COMMD7: variants seen among roughly 807,000 people sequenced by gnomAD.
COMMD7 encodes the protein COMM domain-containing protein 7.
Under a neutral mutation model 34.8 loss-of-function variants are expected in COMMD7, and 28 were observed. The observed-to-expected ratio is 0.80, with a 90% CI of 0.60 to 1.10. COMMD7 has a LOEUF of 1.10. Ranked by LOEUF, COMMD7 falls within the 50% of genes least tolerant of loss-of-function variation. The pLI is 0.00. For missense variants in COMMD7, 211 were observed against 241.6 expected (o/e 0.87, Z 0.84); for synonymous variants, 80 against 86.4 (o/e 0.93, Z 0.41).
chr20:32,730,814 T>C (rs372552756), intron 1 of COMMD7, among the ~76,000 whole-genome samples: 13 of 152,206 alleles, frequency 8.5e-5, no homozygotes, highest in Admixed American at 3.3e-4. Flanking sequence ...AAACAAATGG[T>C]AGCTACAGTT....
chr20:32,702,712 C>T lies in COMMD7; in HGVS notation c.*670G>A, dbSNP rs1453425259. ...TGGATCCAGACCTTTTCTTCAGAAC[C>T]TTTTTATTCATCATCTAACCAACAG... On this transcript the variant is annotated 3_prime_UTR_variant, in exon 9 of 9. Coordinates refer to ENST00000278980, the MANE Select transcript of COMMD7 (RefSeq NM_053041.3). The T allele has an allele frequency of 6.6e-6, 1 of 152,218 alleles. No individual in the cohort carries two copies. Among genetic ancestry groups the T allele is most frequent in the Non-Finnish European group, 1.5e-5 (1 of 68,058 alleles). 9.4% of individuals were successfully genotyped at this position (152,218 alleles called of 1,614,324 possible).
chr20:32,719,824 C>A (rs1018112722), intron 3 of COMMD7, among the ~76,000 whole-genome samples: 1 of 152,040 alleles, frequency 6.6e-6, no homozygotes, highest in Admixed American at 6.6e-5. Flanking sequence ...CAGCCTGGCA[C>A]AGTAACATGC....
intron 1 of COMMD7, among the ~76,000 whole-genome samples, chr20:32,739,196 G>A (rs1299672440): frequency 6.6e-6 from 1 of 152,174 alleles, no homozygotes; most frequent in Non-Finnish European, 1.5e-5. Context: ...GCTGGGTGCA[G>A]TGGCTCATGC....
At chr20:32,726,981 A>G (rs947564538) in intron 3 of COMMD7, among the ~76,000 whole-genome samples, 5 of 152,150 alleles carry the variant, frequency 3.3e-5, no homozygotes, top group African/African-American at 1.2e-4. Flanking sequence ...CTGTAATCCT[A>G]GCACTTTGGG....
intron 1 of COMMD7, among the ~76,000 whole-genome samples, chr20:32,734,201 G>T (rs1167323656): frequency 7.3e-6 from 1 of 136,152 alleles, no homozygotes; most frequent in Non-Finnish European, 1.6e-5. Context: ...AAAAAAAAGT[G>T]CCGTGCCTCA....
chr20:32,717,929 GA>G (rs1012746265), intron 3 of COMMD7, among the ~76,000 whole-genome samples: 35 of 141,606 alleles, frequency 2.5e-4, no homozygotes, highest in South Asian at 2.4e-3. Context: ...GACCAAAAAA[GA>G]AAAAAAAAAA....
chr20:32,726,634 T>C (rs918246900), intron 3 of COMMD7, among the ~76,000 whole-genome samples: 2 of 151,928 alleles, frequency 1.3e-5, no homozygotes, highest in Non-Finnish European at 2.9e-5. Flanking sequence ...ACCCAGGAAG[T>C]GGAGGTTGCG....
chr20:32,721,187 G>A (rs1600985666), intron 3 of COMMD7, among the ~76,000 whole-genome samples: 1 of 152,152 alleles, frequency 6.6e-6, no homozygotes, highest in African/African-American at 2.4e-5. Context: ...GGATACAGTG[G>A]GGGGCCAAGT....
rs189280201 is a variant in COMMD7 at position 32,728,218 on chromosome 20, T to C, written c.85-76A>G. On this transcript the variant is annotated intron_variant, in intron 1 of 8. Transcript: ENST00000278980. ...GCATGCCCCACCCCAGGCAACTGCA[T>C]AGCCTTGAGAGGGAAGAACAGTAAC... 9 of 1,385,664 alleles carry C rather than the reference T, an allele frequency of 6.5e-6. No individual in the cohort carries two copies. In the East Asian group the frequency reaches 1.9e-4, roughly 29 times the overall value. The allele number at this position is 1,385,664 out of a possible 1,614,324, so 85.8% of individuals were successfully genotyped here.
intron 1 of COMMD7, among the ~76,000 whole-genome samples, chr20:32,741,209 A>T (rs115381643): frequency 0.031 from 4,726 of 152,054 alleles, 229 homozygotes; most frequent in African/African-American, 0.11. Flanking sequence ...ACAGAAAAAA[A>T]AAAATTTTTT....
chr20:32,730,280 C>A (rs187788179), intron 1 of COMMD7, among the ~76,000 whole-genome samples: 1 of 151,974 alleles, frequency 6.6e-6, no homozygotes, highest in Non-Finnish European at 1.5e-5. Context: ...ATGGGCTGGA[C>A]GCGGTGGCTC....
chr20:32,710,073 G>A (rs1984346550), intron 3 of COMMD7, among the ~76,000 whole-genome samples: 1 of 151,350 alleles, frequency 6.6e-6, no homozygotes, highest in South Asian at 2.1e-4. Flanking sequence ...TAGAGATAGA[G>A]TCTCACTATC....
intron 3 of COMMD7, among the ~76,000 whole-genome samples, chr20:32,725,843 G>A (rs528190177): frequency 5.3e-5 from 8 of 151,884 alleles, no homozygotes; most frequent in East Asian, 1.9e-4. Context: ...TTGAGCTCGG[G>A]AATTTGAAAC....
intron 5 of COMMD7, 50 bp from the exon 6 acceptor site, chr20:32,704,954 C>G (rs755358873): frequency 3.1e-6 from 4 of 1,282,324 alleles, no homozygotes; most frequent in East Asian, 2.3e-5. Flanking sequence ...AAATCTCCCC[C>G]TCTCCATCCT....
intron 1 of COMMD7, among the ~76,000 whole-genome samples, chr20:32,728,569 CTTTTT>C (rs1328055034): frequency 1.3e-5 from 2 of 151,148 alleles, no homozygotes; most frequent in East Asian, 3.9e-4. Context: ...TCTTTCTTTT[CTTTTT>C]TTTTCTTTCC....
chr20:32,704,114 A>G, intron 7 of COMMD7, 43 bp from the exon 8 acceptor site: 2 of 1,461,280 alleles, frequency 1.4e-6, no homozygotes, highest in Non-Finnish European at 1.9e-6. Context: ...AATGATGACA[A>G]CTGGGCAAAG....
chr20:32,711,757 A>C (rs1395626369), intron 3 of COMMD7, among the ~76,000 whole-genome samples: 1 of 147,194 alleles, frequency 6.8e-6, no homozygotes, highest in African/African-American at 2.5e-5. Context: ...TCCTAAGCAA[A>C]TGCCAGCCAC....
intron 1 of COMMD7, among the ~76,000 whole-genome samples, chr20:32,733,305 G>C (rs544086306): frequency 2.7e-4 from 41 of 151,556 alleles, no homozygotes; most frequent in Admixed American, 1.4e-3. Flanking sequence ...AACAGGCCAC[G>C]CGCGGTGGCT....
At position 32,704,018 on chromosome 20, in the gene COMMD7, C is replaced by G. The variant is rs2145702094; in HGVS notation, c.526+5G>C. 6.2e-7 allele frequency: 1 copy of G among 1,614,070 alleles called. No homozygotes were observed. Among genetic ancestry groups the G allele is most frequent in the South Asian group, 1.1e-5 (1 of 91,074 alleles). ...GAAGAGGCTCAAGTGGGAATTCAGACTCACCTATATACACATTTTCGGTTT... is the reference window on the plus strand; with the variant it reads ...GAAGAGGCTCAAGTGGGAATTCAGAGTCACCTATATACACATTTTCGGTTT... On this transcript the variant is annotated splice_donor_5th_base_variant and intron_variant, in intron 8 of 8. Coordinates refer to ENST00000278980, the MANE Select transcript of COMMD7 (RefSeq NM_053041.3).
Sources: allele counts gnomAD v4.1 joint callset (sites outside exome capture counted in the v4.1 genomes callset), GRCh38; gene constraint gnomAD v4.1.1; transcripts MANE v1.5; gene names NCBI Gene and HGNC (gene_info 2026-07-23, HGNC 2026-07-21).